RAPGEF2: variants seen among roughly 807,000 people sequenced by gnomAD.
The protein encoded by RAPGEF2 is PDZ domain containing guanine nucleotide exchange factor (GEF) 1.
RAPGEF2 carries 54 observed loss-of-function variants against 186.7 expected under a neutral mutation model. The observed-to-expected ratio is 0.29, with a 90% CI of 0.23 to 0.36. RAPGEF2 has a LOEUF of 0.36. RAPGEF2 is among the 10% of genes least tolerant of loss of function. The pLI, the probability that RAPGEF2 is intolerant of heterozygous loss-of-function variation, is 1.00. For synonymous variants in RAPGEF2, 712 were observed against 705.9 expected, an observed-to-expected ratio of 1.01 and a Z score of -0.14; for missense variants, 1,532 against 2,045.0, an observed-to-expected ratio of 0.75 and a Z score of 4.84.
chr4:159,343,234 C>T, intron 21 of RAPGEF2, 44 bp downstream of exon 21: 1 of 1,613,920 alleles, frequency 6.2e-7, no homozygotes, highest in East Asian at 2.2e-5. Flanking sequence ...TGAAGAAGCA[C>T]AGAATAAATG....
chr4:159,220,184 A>G (rs1248460701), intron 4 of RAPGEF2, among the ~76,000 whole-genome samples: 1 of 152,208 alleles, frequency 6.6e-6, no homozygotes, highest in Non-Finnish European at 1.5e-5. Context: ...AAAAAATTTC[A>G]TTGTGAAGTA....
At chr4:159,332,165 A>C (rs1766766235) in intron 16 of RAPGEF2, 131 bp downstream of exon 16, 2 of 677,190 alleles carry the variant, frequency 3.0e-6, no homozygotes, top group Non-Finnish European at 4.9e-6. Flanking sequence ...TGACCATAAA[A>C]AATATTTTTA....
intron 7 of RAPGEF2, among the ~76,000 whole-genome samples, chr4:159,250,581 A>G (rs995839277): frequency 5.7e-4 from 87 of 152,298 alleles, no homozygotes; most frequent in Non-Finnish European, 9.0e-4. Flanking sequence ...TTTCAATACA[A>G]TGCAGAAGAC....
intron 1 of RAPGEF2, among the ~76,000 whole-genome samples, chr4:159,105,764 A>G (rs1737801468): frequency 6.6e-6 from 1 of 152,238 alleles, no homozygotes; most frequent in South Asian, 2.1e-4. Context: ...GTGTGAAGGA[A>G]AAGCAGATTT....
intron 8 of RAPGEF2, among the ~76,000 whole-genome samples, chr4:159,308,335 C>T (rs191830338): frequency 6.6e-6 from 1 of 152,280 alleles, no homozygotes; most frequent in East Asian, 1.9e-4. Context: ...ATAGATGTAT[C>T]TAAGGATCTA....
chr4:159,341,729 T>A lies in RAPGEF2; in HGVS notation c.2700T>A (p.Thr900=), dbSNP rs779894716. Residue 900 remains threonine, a synonymous_variant, in exon 20 of 30, where the codon ACT becomes ACA. Coordinates refer to ENST00000691494, the MANE Select transcript of RAPGEF2 (RefSeq NM_001394067.2). The stretch of plus-strand genomic sequence containing the variant: ...AACTCTTTCGCAACATTGAACCTAC[T>A]GAATATATAGATGATTTATTTAAAC... ...NFELFRNIEP[T]EYIDDLFKLR... 6.2e-7 allele frequency: 1 copy of A among 1,614,086 alleles called. No homozygotes were observed. The highest frequency in any genetic ancestry group is 8.5e-7 in the Non-Finnish European group (1 of 1,179,930).
intron 4 of RAPGEF2, among the ~76,000 whole-genome samples, chr4:159,229,003 G>GT (rs1295247581): frequency 3.3e-5 from 5 of 151,998 alleles, no homozygotes; most frequent in African/African-American, 9.7e-5. Flanking sequence ...TTATGTGATT[G>GT]TTTTTTTGTA....
At chr4:159,150,828 CAGGTGATGACCTAGAAGCTG>C (rs1743459587) in intron 1 of RAPGEF2, among the ~76,000 whole-genome samples, 1 of 152,174 alleles carries the variant, frequency 6.6e-6, no homozygotes, top group African/African-American at 2.4e-5. Flanking sequence ...GTTTTGGAAT[CAGGTGATGACCTAGAAGCTG>C]AGGTTTCAGG....
intron 7 of RAPGEF2, among the ~76,000 whole-genome samples, chr4:159,293,984 C>T (rs963133305): frequency 3.3e-5 from 5 of 152,206 alleles, no homozygotes; most frequent in Non-Finnish European, 5.9e-5. Context: ...CTTACGTAAC[C>T]GGAAGGGACG....
chr4:159,357,804 A>G (rs1458060745), intron 29 of RAPGEF2, among the ~76,000 whole-genome samples: 2 of 152,356 alleles, frequency 1.3e-5, no homozygotes, highest in South Asian at 4.1e-4. Flanking sequence ...ATCTGATCGT[A>G]TATTTTTTTT....
chr4:159,356,652 G>C (rs1368416340), intron 29 of RAPGEF2, among the ~76,000 whole-genome samples: 1 of 152,160 alleles, frequency 6.6e-6, no homozygotes, highest in African/African-American at 2.4e-5. Flanking sequence ...TGTAATCCCA[G>C]CACTTTGGGA....
At chr4:159,193,596 A>C (rs151110324) in intron 3 of RAPGEF2, among the ~76,000 whole-genome samples, 1 of 152,210 alleles carries the variant, frequency 6.6e-6, no homozygotes, top group African/African-American at 2.4e-5. Context: ...CACCAGATGA[A>C]ATGTGAAGAT....
chr4:159,290,494 A>G (rs1189193366), intron 7 of RAPGEF2, among the ~76,000 whole-genome samples: 1 of 152,242 alleles, frequency 6.6e-6, no homozygotes, highest in African/African-American at 2.4e-5. Flanking sequence ...ACATTTAGAG[A>G]AAGTAGCTGA....
Position 159,331,844 on chromosome 4 carries a change from T to C in RAPGEF2, c.1779+11T>C, listed in dbSNP as rs750364343. 1.2e-6 allele frequency: 2 copies of C among 1,613,616 alleles called. No homozygotes were observed. The highest frequency in any genetic ancestry group is 3.3e-5 in the Admixed American group (2 of 59,942). On this transcript the variant is annotated intron_variant, in intron 15 of 29. Transcript: ENST00000691494. ...AAACGGGGGGATCAGGTATGCCATT[T>C]CTAAACTCATTTAAGGGTGAATTTT... is the stretch of plus-strand genomic sequence containing the variant.
chr4:159,335,364 G>A (rs1767257804), intron 17 of RAPGEF2, among the ~76,000 whole-genome samples: 1 of 152,192 alleles, frequency 6.6e-6, no homozygotes, highest in Non-Finnish European at 1.5e-5. Flanking sequence ...AACAAGGAAA[G>A]TGTTGGAGAG....
chr4:159,209,768 C>A (rs1285384827), intron 3 of RAPGEF2, among the ~76,000 whole-genome samples: 1 of 152,204 alleles, frequency 6.6e-6, no homozygotes, highest in African/African-American at 2.4e-5. Context: ...CCAACAGTTG[C>A]CTTTCTTCCA....
chr4:159,295,744 TGTGTGTGTGTGCGCGC>T (rs769912295), intron 7 of RAPGEF2, among the ~76,000 whole-genome samples: 2,253 of 132,696 alleles, frequency 0.017, 19 homozygotes, highest in Non-Finnish European at 0.022. Flanking sequence ...TGTGTGTGTG[TGTGTGTGTGTGCGCGC>T]GCGCGCGCGC....
intron 7 of RAPGEF2, among the ~76,000 whole-genome samples, chr4:159,302,677 C>T (rs1267612767): frequency 4.6e-5 from 7 of 152,176 alleles, no homozygotes; most frequent in Non-Finnish European, 1.0e-4. Flanking sequence ...CACTATTCTA[C>T]ATTATGAATG....
At chr4:159,111,088 T>C (rs1445598244) in intron 1 of RAPGEF2, among the ~76,000 whole-genome samples, 5 of 151,940 alleles carry the variant, frequency 3.3e-5, no homozygotes, top group African/African-American at 1.2e-4. Context: ...AAGAAGCGTG[T>C]GTTTCTTGCT....
Sources: gnomAD v4.1 joint callset for allele counts (sites outside exome capture counted in the v4.1 genomes callset) on GRCh38, gnomAD v4.1.1 for gene constraint, MANE v1.5 for transcripts, NCBI Gene and HGNC (gene_info 2026-07-23, HGNC 2026-07-21) for gene names.